Variants in AHCTF1 observed in about 807,000 individuals in gnomAD.
AHCTF1 encodes the protein protein ELYS.
In AHCTF1, 24 loss-of-function variants were observed where a neutral mutation model predicts 248.4. That is an observed-to-expected ratio of 0.10 (90% CI 0.07 to 0.14). The LOEUF (loss-of-function observed/expected upper bound fraction) is 0.14. Among genes scored for constraint, AHCTF1 ranks in the 10% least tolerant of loss-of-function variants. The pLI is 1.00. For missense variants in AHCTF1, 2,206 were observed against 2,636.2 expected, an observed-to-expected ratio of 0.84 and a Z score of 3.57; for synonymous variants, 786 against 929.8, an observed-to-expected ratio of 0.85 and a Z score of 2.81.
At chr1:246,928,153 A>AC (rs1162578527) in intron 1 of AHCTF1, among the ~76,000 whole-genome samples, 2 of 151,238 alleles carry the variant, frequency 1.3e-5, no homozygotes, top group African/African-American at 4.9e-5. Context: ...TACAAAAAAA[A>AC]TTAGCCGGGC....
Position 246,931,858 on chromosome 1 carries a change from C to T in AHCTF1, c.-288G>A, listed in dbSNP as rs1314000515. On this transcript the variant is annotated 5_prime_UTR_variant, in exon 1 of 36. Transcript: ENST00000648844. The stretch of plus-strand genomic sequence containing the variant: ...GCTAAAACGCAGTCGCTGCTCCCGC[C>T]GCGCTTCTGGGTCCTTCCCCTTGCA... The T allele has an allele frequency of 6.6e-6, 1 of 152,586 alleles. No individual in the cohort carries two copies. The highest frequency in any genetic ancestry group is 1.5e-5 in the Non-Finnish European group (1 of 68,376). The allele number at this position is 152,586 out of a possible 1,614,324, so 9.5% of individuals were successfully genotyped here.
chr1:246,913,097 C>T (rs1388974050), intron 4 of AHCTF1, 135 bp downstream of exon 4: 9 of 602,146 alleles, frequency 1.5e-5, no homozygotes, highest in Non-Finnish European at 2.3e-5. Context: ...TTTAAAATAC[C>T]TTTTTTTTTT....
At chr1:246,927,398 G>A (rs560693230) in intron 1 of AHCTF1, among the ~76,000 whole-genome samples, 19 of 152,144 alleles carry the variant, frequency 1.2e-4, no homozygotes, top group African/African-American at 4.3e-4. Flanking sequence ...CTGAGGCATG[G>A]GAATCGCTTG....
rs1178287579 is a variant in AHCTF1, at chr1:246,862,124, A to G, written c.3570T>C (p.Thr1190=). The part of the protein sequence containing the change: ...KKAKSLAMSV[T]TSGFSEFTPQ... ...GAGTGAACTCAGAAAATCCAGAAGTAGTAACTGACATGGCCAAACTTTTAG... is the reference window on the plus strand; with the variant it reads ...GAGTGAACTCAGAAAATCCAGAAGTGGTAACTGACATGGCCAAACTTTTAG... Residue 1190 remains threonine (T), a synonymous_variant, in exon 28 of 36, where the codon ACT becomes ACC. Transcript: ENST00000648844. 1 of 1,606,778 alleles carries G rather than the reference A, an allele frequency of 6.2e-7. No homozygotes were observed.
chr1:246,900,242 C>T lies in AHCTF1; in HGVS notation c.1255G>A (p.Gly419Arg). Residue 419 changes from glycine (G) to arginine (R), a missense_variant, in exon 10 of 36, where the codon GGA becomes AGA. Coordinates refer to ENST00000648844, the MANE Select transcript of AHCTF1 (RefSeq NM_001323342.2). ...HAQMPDSLRS[G>R]EYLHNCSYFA... The stretch of plus-strand genomic sequence containing the variant: ...TAAGAGCAATTATGTAGATATTCTC[C>T]TGACCTAAAAGAAAATTTAAAACAT... The T allele has an allele frequency of 6.3e-7, 1 of 1,588,180 alleles. No individual in the cohort carries two copies. Among genetic ancestry groups the T allele is most frequent in the Non-Finnish European group, 8.5e-7 (1 of 1,172,054 alleles).
At chr1:246,859,439 C>G (rs1030292735) in intron 29 of AHCTF1, among the ~76,000 whole-genome samples, 4 of 152,216 alleles carry the variant, frequency 2.6e-5, no homozygotes, top group Non-Finnish European at 2.9e-5. Flanking sequence ...CCACCATGCT[C>G]TGTGTGACAT....
chr1:246,864,153 AAAAAC>A (rs753304186), intron 26 of AHCTF1, 37 bp from the exon 27 acceptor site: 25 of 1,585,238 alleles, frequency 1.6e-5, no homozygotes, highest in Non-Finnish European at 2.1e-5. Flanking sequence ...GTTATACTGA[AAAAAC>A]AAAAGAATTT....
intron 5 of AHCTF1, 32 bp downstream of exon 5, chr1:246,907,519 A>AT: frequency 6.3e-7 from 1 of 1,590,748 alleles, no homozygotes; most frequent in East Asian, 2.2e-5. Flanking sequence ...AAAACTACCT[A>AT]TAATCAAATA....
At chr1:246,878,720 C>T (rs1249710709) in intron 21 of AHCTF1, among the ~76,000 whole-genome samples, 4 of 152,146 alleles carry the variant, frequency 2.6e-5, no homozygotes, top group Non-Finnish European at 5.9e-5. Flanking sequence ...TACAAAGTTA[C>T]TTGGGGAAGC....
chr1:246,922,731 C>T (rs35044246), intron 1 of AHCTF1, among the ~76,000 whole-genome samples: 28,800 of 150,782 alleles, frequency 0.19, 3,065 homozygotes, highest in Admixed American at 0.26. Context: ...GCCTGTAATC[C>T]CAGCACTTTG....
rs535697511 is a variant in AHCTF1, at chr1:246,912,707, T to C, written c.556+525A>G. On this transcript the variant is annotated intron_variant, in intron 4 of 35. Coordinates refer to ENST00000648844, the MANE Select transcript of AHCTF1 (RefSeq NM_001323342.2). ...AAGGAGAAAAAGTATTTCATTTTCT[T>C]TGAATCTGAATAGAATTACTTCTAT... Among the ~76,000 whole-genome samples, 3 of 152,332 alleles carry C rather than the reference T, an allele frequency of 2.0e-5. No homozygotes were observed. The South Asian group carries it at 6.2e-4, about 32-fold the overall frequency.
intron 14 of AHCTF1, among the ~76,000 whole-genome samples, chr1:246,893,096 T>C (rs1664331989): frequency 6.6e-6 from 1 of 152,168 alleles, no homozygotes; most frequent in African/African-American, 2.4e-5. Context: ...ACTACATTAT[T>C]CTCAAAGAAT....
At chr1:246,885,026 C>T (rs1422226845) in intron 21 of AHCTF1, among the ~76,000 whole-genome samples, 3 of 152,190 alleles carry the variant, frequency 2.0e-5, no homozygotes, top group Non-Finnish European at 4.4e-5. Flanking sequence ...TCAATGTTGT[C>T]AACTGGCAAC....
chr1:246,926,046 T>TAAAA (rs35982364), intron 1 of AHCTF1, among the ~76,000 whole-genome samples: 46 of 121,252 alleles, frequency 3.8e-4, no homozygotes, highest in Non-Finnish European at 5.0e-4. Flanking sequence ...ACCCTGTCTT[T>TAAAA]AAAAAAAAAA....
chr1:246,874,177 T>C lies in AHCTF1; in HGVS notation c.3088+1860A>G, dbSNP rs530605377. 1.1e-4 allele frequency among the ~76,000 whole-genome samples: 17 copies of C among 152,252 alleles called. No individual in the cohort carries two copies. In the East Asian group the frequency reaches 2.5e-3, roughly 22 times the overall value. On this transcript the variant is annotated intron_variant, in intron 24 of 35. Transcript: ENST00000648844. ...GTGCCAAACTCCAGTTTCTAGTATA[T>C]ACAAGTAGACATGCCAACAAATTAC...
intron 20 of AHCTF1, 86 bp downstream of exon 20, chr1:246,887,125 A>T (rs1351716163): frequency 6.9e-7 from 1 of 1,447,784 alleles, no homozygotes. Flanking sequence ...ACTGTATCAT[A>T]TCTTTTAATA....
At position 246,900,318 on chromosome 1, in the gene AHCTF1, G is replaced by C; in HGVS notation, c.1250+19C>G. 1 of 1,568,166 alleles carries C rather than the reference G, an allele frequency of 6.4e-7. No homozygotes were observed. Among genetic ancestry groups the C allele is most frequent in the Middle Eastern group, 1.7e-4 (1 of 5,790 alleles). On this transcript the variant is annotated intron_variant, in intron 9 of 35. Coordinates refer to ENST00000648844, the MANE Select transcript of AHCTF1 (RefSeq NM_001323342.2). ...TACAAATACAAAGAGAAAGGAGAGA[G>C]AAAAAAAAAGAATCATACCTTAACG...
intron 1 of AHCTF1, among the ~76,000 whole-genome samples, chr1:246,926,194 A>C (rs1277206529): frequency 6.6e-6 from 1 of 152,120 alleles, no homozygotes. Flanking sequence ...TCATGCCTGC[A>C]CAGCCTGCAG....
Position 246,916,411 on chromosome 1 carries a change from A to T in AHCTF1, c.122-16T>A. On this transcript the variant is annotated splice_polypyrimidine_tract_variant and intron_variant, in intron 2 of 35. Coordinates refer to ENST00000648844, the MANE Select transcript of AHCTF1 (RefSeq NM_001323342.2). ...CCATTTTTCCCTAGAAGAAAAAAAAATTGCCTATTTTAATATTGTATATAC... is the reference window on the plus strand; with the variant it reads ...CCATTTTTCCCTAGAAGAAAAAAAATTTGCCTATTTTAATATTGTATATAC... 2.5e-6 allele frequency: 4 copies of T among 1,601,016 alleles called. No homozygotes were observed. Among genetic ancestry groups the T allele is most frequent in the Non-Finnish European group, 3.4e-6 (4 of 1,175,282 alleles).
Sources: allele counts gnomAD v4.1 joint callset (sites outside exome capture counted in the v4.1 genomes callset), GRCh38; gene constraint gnomAD v4.1.1; transcripts MANE v1.5; gene names NCBI Gene and HGNC (gene_info 2026-07-23, HGNC 2026-07-21).